DLG2: variants seen among roughly 807,000 people sequenced by gnomAD.
DLG2 encodes the protein discs large MAGUK scaffold protein 2.
In DLG2, 45 loss-of-function variants were observed where a neutral mutation model predicts 132.5. That is an observed-to-expected ratio of 0.34 (90% CI 0.27 to 0.44). The LOEUF (loss-of-function observed/expected upper bound fraction) is 0.44, where lower values mean the gene tolerates loss of function less well. Ranked by LOEUF, DLG2 falls within the 20% of genes least tolerant of loss-of-function variation. The pLI, the probability that DLG2 is intolerant of heterozygous loss-of-function variation, is 1.00. For synonymous variants in DLG2, 424 were observed against 419.6 expected, an observed-to-expected ratio of 1.01 and a Z score of -0.13; for missense variants, 1,045 against 1,196.9, an observed-to-expected ratio of 0.87 and a Z score of 1.87.
At chr11:83,564,067 T>C (rs1474210084) in intron 19 of DLG2, among the ~76,000 whole-genome samples, 5 of 151,984 alleles carry the variant, frequency 3.3e-5, no homozygotes, top group Admixed American at 2.0e-4. Flanking sequence ...CAACATATTA[T>C]TGGAAATCAG....
At chr11:85,486,836 A>G (rs1388285975) in intron 3 of DLG2, among the ~76,000 whole-genome samples, 2 of 152,036 alleles carry the variant, frequency 1.3e-5, no homozygotes, top group Non-Finnish European at 2.9e-5. Flanking sequence ...CTGGGGATCC[A>G]AGAATTGGCG....
At chr11:84,435,612 CTGAG>C (rs1046940996) in intron 7 of DLG2, among the ~76,000 whole-genome samples, 2 of 152,136 alleles carry the variant, frequency 1.3e-5, no homozygotes, top group African/African-American at 4.8e-5. Context: ...ATCTTACTCT[CTGAG>C]TAAGGTAATT....
At chr11:85,607,110 C>G (rs969095843) in intron 2 of DLG2, among the ~76,000 whole-genome samples, 1 of 152,164 alleles carries the variant, frequency 6.6e-6, no homozygotes, top group Non-Finnish European at 1.5e-5. Context: ...TACCATTGGA[C>G]CACTTTCACT....
chr11:84,991,561 AG>A (rs2057128048), intron 6 of DLG2, among the ~76,000 whole-genome samples: 2 of 151,616 alleles, frequency 1.3e-5, no homozygotes, highest in African/African-American at 4.8e-5. Context: ...AATAAAGAAA[AG>A]GAGGAGGAGG....
intron 3 of DLG2, among the ~76,000 whole-genome samples, chr11:85,443,732 T>C (rs947942518): frequency 1.3e-5 from 2 of 152,228 alleles, no homozygotes; most frequent in African/African-American, 4.8e-5. Context: ...CATTTTTTCT[T>C]AAATGATTTG....
chr11:85,183,632 G>A (rs907832269), intron 4 of DLG2, among the ~76,000 whole-genome samples: 3 of 151,924 alleles, frequency 2.0e-5, no homozygotes. Flanking sequence ...AAGACACACA[G>A]AATATTATGG....
chr11:84,096,714 T>C (rs2097170260), intron 10 of DLG2, among the ~76,000 whole-genome samples: 1 of 152,160 alleles, frequency 6.6e-6, no homozygotes, highest in Non-Finnish European at 1.5e-5. Context: ...GGGTCCAGTG[T>C]TAGCAAACAG....
chr11:85,471,237 A>G (rs2153075953), intron 3 of DLG2, among the ~76,000 whole-genome samples: 1 of 152,370 alleles, frequency 6.6e-6, no homozygotes, highest in Non-Finnish European at 1.5e-5. Flanking sequence ...GATGTAAGAA[A>G]TAATACCTTT....
chr11:84,516,862 A>C (rs1334267365), intron 7 of DLG2, among the ~76,000 whole-genome samples: 3 of 151,140 alleles, frequency 2.0e-5, no homozygotes, highest in African/African-American at 7.3e-5. Context: ...TACATTAAAA[A>C]GTTTATTTGC....
intron 6 of DLG2, among the ~76,000 whole-genome samples, chr11:84,805,603 T>G (rs2075904693): frequency 6.6e-6 from 1 of 152,114 alleles, no homozygotes; most frequent in African/African-American, 2.4e-5. Flanking sequence ...TTTTAAAGTG[T>G]GTAGCCTCCC....
intron 6 of DLG2, among the ~76,000 whole-genome samples, chr11:84,875,108 T>C (rs550276363): frequency 5.3e-5 from 8 of 151,892 alleles, no homozygotes; most frequent in African/African-American, 1.7e-4. Context: ...AGTCATGGTA[T>C]CTGACATGAC....
At chr11:83,949,066 A>G (rs2084770847) in intron 14 of DLG2, among the ~76,000 whole-genome samples, 1 of 152,188 alleles carries the variant, frequency 6.6e-6, no homozygotes, top group African/African-American at 2.4e-5. Flanking sequence ...TTAATTCAAA[A>G]TGAATTTTTA....
chr11:85,245,986 T>C (rs181074191), intron 4 of DLG2, among the ~76,000 whole-genome samples: 118 of 152,100 alleles, frequency 7.8e-4, no homozygotes, highest in African/African-American at 2.7e-3. Context: ...TCTTATTCTA[T>C]CATTTTTTAA....
At chr11:83,718,561 A>G (rs2087447797) in intron 18 of DLG2, among the ~76,000 whole-genome samples, 1 of 151,838 alleles carries the variant, frequency 6.6e-6, no homozygotes. Context: ...AGAAAGAAAA[A>G]AAGAAATATC....
At chr11:84,028,964 C>G (rs2095616984) in intron 11 of DLG2, among the ~76,000 whole-genome samples, 1 of 152,092 alleles carries the variant, frequency 6.6e-6, no homozygotes, top group Middle Eastern at 3.4e-3. Context: ...TACAAAATAT[C>G]TGTTATATAA....
chr11:84,386,212 A>C (rs1483395748), intron 7 of DLG2, among the ~76,000 whole-genome samples: 1 of 152,056 alleles, frequency 6.6e-6, no homozygotes, highest in Non-Finnish European at 1.5e-5. Flanking sequence ...TTTATTTTTT[A>C]GGGTGTCTCT....
chr11:84,524,108 T>TA (rs895385440), intron 7 of DLG2, among the ~76,000 whole-genome samples: 12 of 151,210 alleles, frequency 7.9e-5, no homozygotes, highest in South Asian at 2.1e-4. Flanking sequence ...CTGAGGAGCT[T>TA]AAAAAAAAAC....
chr11:85,269,098 A>C (rs1251736556), intron 4 of DLG2, among the ~76,000 whole-genome samples: 1 of 152,214 alleles, frequency 6.6e-6, no homozygotes, highest in Non-Finnish European at 1.5e-5. Context: ...GTGTGCTTCA[A>C]TCTAGTTCTC....
chr11:84,267,020 C>G (rs1236096539), intron 7 of DLG2, among the ~76,000 whole-genome samples: 1 of 152,052 alleles, frequency 6.6e-6, no homozygotes, highest in East Asian at 1.9e-4. Context: ...TAATCCAAAG[C>G]AGAAAAAAAT....
Sources: allele counts gnomAD v4.1 joint callset (sites outside exome capture counted in the v4.1 genomes callset), GRCh38; gene constraint gnomAD v4.1.1; transcripts MANE v1.5; gene names NCBI Gene and HGNC (gene_info 2026-07-23, HGNC 2026-07-21).